The following CAMK2D variants were observed in gnomAD, a reference collection of about 807,000 sequenced individuals.
CAMK2D encodes the protein calcium/calmodulin dependent protein kinase II delta.
In CAMK2D, 37 loss-of-function variants were observed where a neutral mutation model predicts 84.0. The observed-to-expected ratio is 0.44, with a 90% CI of 0.34 to 0.58. CAMK2D has a LOEUF of 0.58. Among genes scored for constraint, CAMK2D ranks in the 20% least tolerant of loss-of-function variants. The probability of loss-of-function intolerance (pLI) is 0.02; values close to 1 mark genes in which losing one functional copy is unlikely to be tolerated. For synonymous variants in CAMK2D, 202 were observed against 212.5 expected, an observed-to-expected ratio of 0.95 and a Z score of 0.43; for missense variants, 448 against 652.5, an observed-to-expected ratio of 0.69 and a Z score of 3.41.
intron 8 of CAMK2D, among the ~76,000 whole-genome samples, chr4:113,522,740 C>T (rs1244356434): frequency 6.6e-6 from 1 of 152,078 alleles, no homozygotes; most frequent in Non-Finnish European, 1.5e-5. Flanking sequence ...TTTAGAGAAG[C>T]AAGAAACTGA....
chr4:113,629,212 T>G (rs2099079614), intron 3 of CAMK2D, among the ~76,000 whole-genome samples: 1 of 152,024 alleles, frequency 6.6e-6, no homozygotes, highest in Non-Finnish European at 1.5e-5. Context: ...GGAAAACCTT[T>G]TAGAAACTAC....
At chr4:113,662,337 CTA>C (rs1192111982) in intron 2 of CAMK2D, among the ~76,000 whole-genome samples, 2 of 152,176 alleles carry the variant, frequency 1.3e-5, no homozygotes, top group Non-Finnish European at 2.9e-5. Flanking sequence ...CTTTACCTTT[CTA>C]TGTTTCCCTA....
In CAMK2D at chr4:113,752,654, T is replaced by TAGAAAC. The variant is rs1166632745; in HGVS notation, c.160+6660_160+6665dup. 3.3e-5 allele frequency among the ~76,000 whole-genome samples: 5 copies of TAGAAAC among 152,136 alleles called. No homozygotes were observed. The East Asian group carries it at 9.6e-4, about 29-fold the overall frequency. On this transcript the variant is annotated intron_variant, in intron 2 of 20. Coordinates refer to ENST00000511664, the MANE Select transcript of CAMK2D (RefSeq NM_001321571.2). ...CTGAATCATTTAGAAGAAGTAATCC[T>TAGAAAC]AGAAACTTACTGTATAGTGAGATAT...
At chr4:113,557,941 G>C (rs1282341636) in intron 4 of CAMK2D, among the ~76,000 whole-genome samples, 1 of 152,172 alleles carries the variant, frequency 6.6e-6, no homozygotes, top group Admixed American at 6.5e-5. Flanking sequence ...AGATTAGTGA[G>C]TGCCCTGATG....
chr4:113,677,472 C>T (rs1327223749), intron 2 of CAMK2D: 1 of 372,838 alleles, frequency 2.7e-6, no homozygotes, highest in African/African-American at 2.2e-5. Flanking sequence ...GTGAAAGTAA[C>T]AGAATGGAGA....
At position 113,761,315 on chromosome 4, in the gene CAMK2D, C is replaced by T; in HGVS notation, c.-247G>A. ...CTCCTCCTCCTGCGGGCCTCGCTTC[C>T]TTCTTCTCCACTGGACGCTCCACCC... On this transcript the variant is annotated 5_prime_UTR_variant, in exon 1 of 21. Transcript: ENST00000511664. 6.4e-6 allele frequency: 9 copies of T among 1,415,132 alleles called. No individual in the cohort carries two copies. The highest frequency in any genetic ancestry group is 8.3e-6 in the Non-Finnish European group (9 of 1,087,302). The allele number at this position is 1,415,132 out of a possible 1,614,324, so 87.7% of individuals were successfully genotyped here. A position where few individuals can be genotyped will look rare whatever the true frequency, so the allele number is the denominator to read the frequency against.
chr4:113,521,524 T>C (rs1440726877), intron 8 of CAMK2D, among the ~76,000 whole-genome samples: 2 of 152,194 alleles, frequency 1.3e-5, no homozygotes, highest in Non-Finnish European at 2.9e-5. Flanking sequence ...GAGACCAAGA[T>C]TGAGCACTTA....
At position 113,668,420 on chromosome 4, in the gene CAMK2D, C is replaced by T. The variant is rs916790596; in HGVS notation, c.161-6648G>A. On this transcript the variant is annotated intron_variant, in intron 2 of 20. Coordinates refer to ENST00000511664, the MANE Select transcript of CAMK2D (RefSeq NM_001321571.2). The stretch of plus-strand genomic sequence containing the variant: ...TCCAAAGCTCCTTCCATAACATGGG[C>T]ATAAAATACCTAGCACCAGGCACTG... Among the ~76,000 whole-genome samples the T allele has an allele frequency of 3.3e-5, 5 of 152,220 alleles. No homozygotes were observed. The East Asian group carries it at 7.7e-4, about 23-fold the overall frequency.
chr4:113,542,491 G>A (rs534579669), intron 6 of CAMK2D, among the ~76,000 whole-genome samples: 2 of 152,004 alleles, frequency 1.3e-5, no homozygotes, highest in South Asian at 2.1e-4. Flanking sequence ...CGAGACGGGC[G>A]GATCACGAGG....
intron 4 of CAMK2D, among the ~76,000 whole-genome samples, chr4:113,574,563 G>T (rs17046248): frequency 0.037 from 5,689 of 152,234 alleles, 366 homozygotes; most frequent in African/African-American, 0.13. Flanking sequence ...TTCCAAGTTT[G>T]AGTTTTGGTT....
At chr4:113,582,005 C>T (rs1169397373) in intron 4 of CAMK2D, among the ~76,000 whole-genome samples, 1 of 152,170 alleles carries the variant, frequency 6.6e-6, no homozygotes, top group Non-Finnish European at 1.5e-5. Flanking sequence ...GCTCAATTCT[C>T]CTTCCTTCTG....
At chr4:113,659,489 G>T (rs1047603112) in intron 3 of CAMK2D, among the ~76,000 whole-genome samples, 1 of 152,188 alleles carries the variant, frequency 6.6e-6, no homozygotes, top group African/African-American at 2.4e-5. Flanking sequence ...GAGGTTATCA[G>T]TGTGGGCCCT....
chr4:113,694,690 A>G (rs1297467537), intron 2 of CAMK2D, among the ~76,000 whole-genome samples: 1 of 152,182 alleles, frequency 6.6e-6, no homozygotes, highest in East Asian at 1.9e-4. Flanking sequence ...GATAAAAAAG[A>G]AAGTAATTTA....
At chr4:113,523,263 C>T (rs2098384701) in intron 8 of CAMK2D, among the ~76,000 whole-genome samples, 2 of 152,098 alleles carry the variant, frequency 1.3e-5, no homozygotes, top group South Asian at 4.2e-4. Flanking sequence ...CTGTAATAAT[C>T]CTAAAAACTG....
chr4:113,465,497 G>A (rs751972107), intron 17 of CAMK2D, 32 bp downstream of exon 17: 22 of 1,243,784 alleles, frequency 1.8e-5, no homozygotes, highest in South Asian at 1.0e-4. Flanking sequence ...TTTACCATAT[G>A]CATGAAAGCA....
chr4:113,611,639 A>G (rs191210421), intron 3 of CAMK2D, among the ~76,000 whole-genome samples: 5 of 152,284 alleles, frequency 3.3e-5, no homozygotes, highest in African/African-American at 7.2e-5. Context: ...TGGGAATAAC[A>G]TTTTCTTAAA....
At chr4:113,737,803 T>C (rs1192151546) in intron 2 of CAMK2D, among the ~76,000 whole-genome samples, 3 of 152,138 alleles carry the variant, frequency 2.0e-5, no homozygotes, top group Non-Finnish European at 4.4e-5. Context: ...ATAGCATTTA[T>C]TTATCATAAT....
intron 3 of CAMK2D, among the ~76,000 whole-genome samples, chr4:113,650,314 T>C (rs2099167741): frequency 6.6e-6 from 1 of 151,592 alleles, no homozygotes; most frequent in Non-Finnish European, 1.5e-5. Context: ...GGTCAGGAGT[T>C]CGAGACCAGC....
rs765719574 is a variant in CAMK2D at position 113,759,288 on chromosome 4, A to G, written c.160+32T>C. The G allele has an allele frequency of 1.4e-5, 19 of 1,354,664 alleles. No individual in the cohort carries two copies. The Admixed American group carries it at 3.3e-4, about 23-fold the overall frequency. The allele number at this position is 1,354,664 out of a possible 1,614,324, so 83.9% of individuals were successfully genotyped here. ...CTATAATCAACATGACAAATACAAA[A>G]TTAACCAATATATGTGGTTGAAAAT... On this transcript the variant is annotated intron_variant, in intron 2 of 20. Transcript: ENST00000511664.
Sources: allele counts gnomAD v4.1 joint callset (sites outside exome capture counted in the v4.1 genomes callset), GRCh38; gene constraint gnomAD v4.1.1; transcripts MANE v1.5; gene names NCBI Gene and HGNC (gene_info 2026-07-23, HGNC 2026-07-21).